Variants in VWA8 observed in about 807,000 individuals in gnomAD.
The protein encoded by VWA8 is von Willebrand factor A domain containing 8.
VWA8 carries 221 observed loss-of-function variants against 241.5 expected under a neutral mutation model. The ratio of observed to expected loss-of-function variants is 0.91; its 90% confidence interval spans 0.82 to 1.02. The LOEUF (loss-of-function observed/expected upper bound fraction) is 1.02. Ranked by LOEUF, VWA8 falls within the 50% of genes least tolerant of loss-of-function variation. VWA8 has a pLI of 0.00. For synonymous variants in VWA8, 852 were observed against 827.1 expected, an observed-to-expected ratio of 1.03 and a Z score of -0.52; for missense variants, 2,322 against 2,328.7, an observed-to-expected ratio of 1.00 and a Z score of 0.06.
intron 2 of VWA8, among the ~76,000 whole-genome samples, chr13:41,937,246 C>T (rs1192408600): frequency 3.9e-5 from 6 of 152,140 alleles, no homozygotes; most frequent in African/African-American, 1.4e-4. Flanking sequence ...AAATGCATTA[C>T]ATTTATTGTG....
intron 21 of VWA8, among the ~76,000 whole-genome samples, chr13:41,747,206 A>G (rs943683242): frequency 2.0e-5 from 3 of 152,112 alleles, no homozygotes; most frequent in South Asian, 2.1e-4. Flanking sequence ...CCATTTTCAC[A>G]ATATTGATTC....
chr13:41,750,418 C>T (rs1389079583), intron 21 of VWA8, among the ~76,000 whole-genome samples: 6 of 146,160 alleles, frequency 4.1e-5, no homozygotes, highest in South Asian at 2.2e-4. Context: ...GGTGACAGAG[C>T]GAGACTCCAT....
At chr13:41,781,879 T>C (rs537448991) in intron 19 of VWA8, among the ~76,000 whole-genome samples, 1 of 152,308 alleles carries the variant, frequency 6.6e-6, no homozygotes, top group Non-Finnish European at 1.5e-5. Flanking sequence ...CTTAGTGATA[T>C]GGAAAACACG....
intron 21 of VWA8, among the ~76,000 whole-genome samples, chr13:41,751,208 A>G (rs1364995352): frequency 6.6e-6 from 1 of 152,174 alleles, no homozygotes; most frequent in Non-Finnish European, 1.5e-5. Flanking sequence ...TTACAAACCT[A>G]AAGATCTACA....
intron 9 of VWA8, among the ~76,000 whole-genome samples, chr13:41,879,202 G>A (rs1223467013): frequency 6.6e-6 from 1 of 152,008 alleles, no homozygotes; most frequent in African/African-American, 2.4e-5. Flanking sequence ...CCCAGCACCT[G>A]GAATAAACCT....
intron 12 of VWA8, among the ~76,000 whole-genome samples, chr13:41,861,985 C>A (rs1392554547): frequency 1.1e-4 from 16 of 152,140 alleles, no homozygotes; most frequent in Admixed American, 1.0e-3. Flanking sequence ...GCCTGAATCG[C>A]CAATGTAATC....
intron 12 of VWA8, among the ~76,000 whole-genome samples, chr13:41,847,201 T>C (rs1369992986): frequency 6.6e-6 from 1 of 151,380 alleles, no homozygotes; most frequent in Non-Finnish European, 1.5e-5. Flanking sequence ...CCAGTGGGAA[T>C]GAACAAAAAT....
chr13:41,719,535 G>A, intron 26 of VWA8, 56 bp downstream of exon 26: 1 of 1,604,578 alleles, frequency 6.2e-7, no homozygotes. Context: ...AGAATGGAAT[G>A]ATAAATCAAG....
intron 4 of VWA8, among the ~76,000 whole-genome samples, chr13:41,892,223 CTG>C (rs1471665541): frequency 6.6e-6 from 1 of 152,076 alleles, no homozygotes; most frequent in Non-Finnish European, 1.5e-5. Context: ...ATAAAGTAAA[CTG>C]TAATACAAAA....
At chr13:41,792,852 T>G (rs1316813915) in intron 17 of VWA8, among the ~76,000 whole-genome samples, 2 of 152,100 alleles carry the variant, frequency 1.3e-5, no homozygotes, top group Non-Finnish European at 2.9e-5. Context: ...TTTTTAAAAA[T>G]TATATTTCCT....
At chr13:41,572,855 G>C (rs1440086908) in intron 43 of VWA8, among the ~76,000 whole-genome samples, 1 of 150,664 alleles carries the variant, frequency 6.6e-6, no homozygotes, top group African/African-American at 2.4e-5. Context: ...CACGTCTGTG[G>C]TCCCAGCACT....
intron 37 of VWA8, among the ~76,000 whole-genome samples, chr13:41,658,162 C>A (rs190789967): frequency 6.6e-6 from 1 of 152,170 alleles, no homozygotes. Flanking sequence ...AGAGAACAAA[C>A]TTTCAGAAAC....
intron 5 of VWA8, among the ~76,000 whole-genome samples, chr13:41,889,973 T>C (rs932848239): frequency 2.0e-5 from 3 of 152,258 alleles, no homozygotes; most frequent in African/African-American, 7.2e-5. Flanking sequence ...AGCTTTCATT[T>C]TGATAAATTA....
At chr13:41,603,164 T>C (rs940177723) in intron 40 of VWA8, among the ~76,000 whole-genome samples, 1 of 152,176 alleles carries the variant, frequency 6.6e-6, no homozygotes, top group Admixed American at 6.5e-5. Flanking sequence ...ATGCATTTAA[T>C]CTTACTTGTT....
chr13:41,799,037 C>T (rs1869830442), intron 17 of VWA8, among the ~76,000 whole-genome samples: 1 of 152,176 alleles, frequency 6.6e-6, no homozygotes, highest in South Asian at 2.1e-4. Context: ...ATTTTCTCCT[C>T]TATCACAGTC....
chr13:41,654,711 T>C lies in VWA8; in HGVS notation c.4611+16235A>G, dbSNP rs143617232. Among the ~76,000 whole-genome samples, 12 of 152,278 alleles carry C rather than the reference T, an allele frequency of 7.9e-5. No homozygotes were observed. The East Asian group carries it at 2.3e-3, about 29-fold the overall frequency. On this transcript the variant is annotated intron_variant, in intron 37 of 44. Coordinates refer to ENST00000379310, the MANE Select transcript of VWA8 (RefSeq NM_015058.2). ...GGGACTCCTGATCTAACAGGACACA[T>C]TGAGAACACAGCATTATTGTGATGT...
chr13:41,761,977 T>C (rs2045744142), intron 20 of VWA8, among the ~76,000 whole-genome samples: 1 of 152,134 alleles, frequency 6.6e-6, no homozygotes, highest in Non-Finnish European at 1.5e-5. Context: ...GCTGACTTCA[T>C]ATCATACATG....
chr13:41,744,738 G>A (rs1321949028), intron 21 of VWA8, among the ~76,000 whole-genome samples: 2 of 152,182 alleles, frequency 1.3e-5, no homozygotes, highest in African/African-American at 4.8e-5. Context: ...AGAGAGGAGA[G>A]CAGGTTTAAG....
chr13:41,884,008 T>G (rs140353500), intron 8 of VWA8, among the ~76,000 whole-genome samples: 18 of 152,324 alleles, frequency 1.2e-4, no homozygotes, highest in African/African-American at 4.3e-4. Context: ...TCACCCCACT[T>G]TAAAAGTCTG....
Sources: allele counts gnomAD v4.1 joint callset (sites outside exome capture counted in the v4.1 genomes callset), GRCh38; gene constraint gnomAD v4.1.1; transcripts MANE v1.5; gene names NCBI Gene and HGNC (gene_info 2026-07-23, HGNC 2026-07-21).